PTGER3: variants seen among roughly 807,000 people sequenced by gnomAD.
PTGER3 encodes prostaglandin E receptor 3, also known as prostaglandin E2 receptor EP3 subtype.
PTGER3 carries 22 observed loss-of-function variants against 34.7 expected under a neutral mutation model. That is an observed-to-expected ratio of 0.63 (90% CI 0.45 to 0.91). PTGER3 has a LOEUF of 0.91. Among genes scored for constraint, PTGER3 ranks in the 40% least tolerant of loss-of-function variants. The pLI, the probability that PTGER3 is intolerant of heterozygous loss-of-function variation, is 0.00. For missense variants in PTGER3, 468 were observed against 519.4 expected (o/e 0.90, Z 0.96); for synonymous variants, 241 against 230.1 (o/e 1.05, Z -0.43).
chr1:71,045,912 A>G (rs1445978618), intron 1 of PTGER3, among the ~76,000 whole-genome samples: 1 of 151,688 alleles, frequency 6.6e-6, no homozygotes, highest in African/African-American at 2.4e-5. Flanking sequence ...TAGGTCGCGC[A>G]GTCTTTCAGA....
chr1:70,955,854 C>T (rs1651269368), intron 2 of PTGER3, among the ~76,000 whole-genome samples: 1 of 152,146 alleles, frequency 6.6e-6, no homozygotes, highest in Non-Finnish European at 1.5e-5. Context: ...AATCCCATCA[C>T]TATGCACAAT....
chr1:71,002,898 T>A (rs769506559), intron 2 of PTGER3, among the ~76,000 whole-genome samples: 2 of 152,210 alleles, frequency 1.3e-5, no homozygotes, highest in Non-Finnish European at 2.9e-5. Flanking sequence ...TGCTGACTCA[T>A]TAAAATCAAC....
At chr1:71,035,366 A>G (rs1353245667) in intron 1 of PTGER3, among the ~76,000 whole-genome samples, 1 of 152,204 alleles carries the variant, frequency 6.6e-6, no homozygotes, top group East Asian at 1.9e-4. Flanking sequence ...GTACTTCTAC[A>G]AAAACAGATC....
At chr1:70,900,475 A>C (rs1306360038) in intron 4 of PTGER3, among the ~76,000 whole-genome samples, 1 of 152,142 alleles carries the variant, frequency 6.6e-6, no homozygotes, top group Admixed American at 6.5e-5. Context: ...CCTAGAGACT[A>C]TTTCAGTATG....
At chr1:70,960,614 A>G (rs1235440284) in intron 2 of PTGER3, among the ~76,000 whole-genome samples, 13 of 152,152 alleles carry the variant, frequency 8.5e-5, no homozygotes, top group Admixed American at 8.5e-4. Context: ...CATTCTATCA[A>G]TGTCTTTAAG....
intron 4 of PTGER3, among the ~76,000 whole-genome samples, chr1:70,888,143 C>T (rs1646537452): frequency 6.6e-6 from 1 of 152,164 alleles, no homozygotes; most frequent in Admixed American, 6.5e-5. Flanking sequence ...AGAACAGACT[C>T]AAAAAGCCCT....
At chr1:70,958,483 G>GA (rs1166519774) in intron 2 of PTGER3, among the ~76,000 whole-genome samples, 3 of 152,048 alleles carry the variant, frequency 2.0e-5, no homozygotes, top group African/African-American at 2.4e-5. Flanking sequence ...GTACTCTTGT[G>GA]AAAAAATGTC....
chr1:70,921,351 G>A (rs961630716), intron 4 of PTGER3, among the ~76,000 whole-genome samples: 2 of 152,234 alleles, frequency 1.3e-5, no homozygotes, highest in South Asian at 2.1e-4. Context: ...TGAGTGCCTC[G>A]CTTTCCCCAT....
intron 2 of PTGER3, among the ~76,000 whole-genome samples, chr1:71,003,602 A>G (rs951168646): frequency 6.6e-6 from 1 of 152,200 alleles, no homozygotes; most frequent in Non-Finnish European, 1.5e-5. Flanking sequence ...TCTCAGATCA[A>G]ATTGTGTTAT....
chr1:71,024,458 G>A (rs75404986), intron 1 of PTGER3, among the ~76,000 whole-genome samples: 13,943 of 152,006 alleles, frequency 0.092, 802 homozygotes, highest in African/African-American at 0.15. Context: ...TACAAGAGTA[G>A]GGATCAATTC....
chr1:71,011,078 G>A lies in PTGER3; in HGVS notation c.1077+1227C>T, dbSNP rs146619633. On this transcript the variant is annotated intron_variant, in intron 2 of 3. Transcript: ENST00000306666. ...GCATAACTACAGGATTACTATGTTT[G>A]GTGGGGAGACATTTTTAAGAAGTGC... 11 of 985,634 alleles carry A rather than the reference G, an allele frequency of 1.1e-5. No individual in the cohort carries two copies. The East Asian group carries it at 1.3e-3, about 112-fold the overall frequency. The allele number at this position is 985,634 out of a possible 1,614,324, so 61.1% of individuals were successfully genotyped here.
chr1:70,948,951 C>T (rs188727778), downstream of PTGER3, among the ~76,000 whole-genome samples: 45 of 152,232 alleles, frequency 3.0e-4, no homozygotes, highest in Admixed American at 1.8e-3. Flanking sequence ...GCACGCTTCT[C>T]AAAAGTTCTG....
chr1:70,964,385 G>A (rs996948172), intron 2 of PTGER3, among the ~76,000 whole-genome samples: 4 of 152,244 alleles, frequency 2.6e-5, no homozygotes, highest in Non-Finnish European at 5.9e-5. Context: ...TAGCTAAAAC[G>A]GGCAATCTAT....
rs1382626205 is a variant in PTGER3, at chr1:71,009,585, A to AT, written c.1077+2719dup. 5.1e-6 allele frequency: 5 copies of AT among 984,966 alleles called. No homozygotes were observed. In the Admixed American group the frequency reaches 1.8e-4, roughly 36 times the overall value. The allele number at this position is 984,966 out of a possible 1,614,324, so 61.0% of individuals were successfully genotyped here. A position where few individuals can be genotyped will look rare whatever the true frequency, so the allele number is the denominator to read the frequency against. On this transcript the variant is annotated intron_variant, in intron 2 of 3. Coordinates refer to ENST00000306666, the MANE Select transcript of PTGER3 (RefSeq NM_198719.2). The stretch of plus-strand genomic sequence containing the variant: ...GTGACTCAGCATAGTATATAAATTC[A>AT]TTGTTTGGAAAATCAACACTACTTG...
At chr1:70,880,466 A>G (rs1357640670) in intron 4 of PTGER3, among the ~76,000 whole-genome samples, 5 of 150,886 alleles carry the variant, frequency 3.3e-5, no homozygotes, top group Non-Finnish European at 7.4e-5. Context: ...GAGGTGGGTG[A>G]ATCACCTGAG....
chr1:70,920,175 G>T (rs1448672537), intron 4 of PTGER3, among the ~76,000 whole-genome samples: 1 of 152,144 alleles, frequency 6.6e-6, no homozygotes, highest in Non-Finnish European at 1.5e-5. Context: ...GTGAAATGAA[G>T]AATATGAGTG....
intron 2 of PTGER3, among the ~76,000 whole-genome samples, chr1:70,985,643 A>G (rs535346798): frequency 6.6e-6 from 1 of 152,020 alleles, no homozygotes; most frequent in Admixed American, 6.5e-5. Flanking sequence ...ACCAGTCGTT[A>G]CCTCCTCCTC....
At chr1:70,888,342 A>G (rs2100257357) in intron 4 of PTGER3, among the ~76,000 whole-genome samples, 1 of 152,334 alleles carries the variant, frequency 6.6e-6, no homozygotes, top group African/African-American at 2.4e-5. Context: ...GAACATCAAA[A>G]TGTATCTATG....
At chr1:70,997,844 G>T (rs766499328) in intron 2 of PTGER3, among the ~76,000 whole-genome samples, 16 of 152,198 alleles carry the variant, frequency 1.1e-4, no homozygotes, top group Non-Finnish European at 2.2e-4. Flanking sequence ...GCCATAGTAT[G>T]ACTGTTTTGA....
Sources: allele counts gnomAD v4.1 joint callset (sites outside exome capture counted in the v4.1 genomes callset), GRCh38; gene constraint gnomAD v4.1.1; transcripts MANE v1.5; gene names NCBI Gene and HGNC (gene_info 2026-07-23, HGNC 2026-07-21).